ADIPOR1: variants seen among roughly 807,000 people sequenced by gnomAD.
The protein encoded by ADIPOR1 is adiponectin receptor protein 1.
Under a neutral mutation model 37.5 loss-of-function variants are expected in ADIPOR1, and 15 were observed. The observed-to-expected ratio is 0.40, with a 90% CI of 0.27 to 0.62. The LOEUF is 0.62. Among genes scored for constraint, ADIPOR1 ranks in the 20% least tolerant of loss-of-function variants. The probability of loss-of-function intolerance (pLI) is 0.42; values close to 1 mark genes in which losing one functional copy is unlikely to be tolerated. For missense variants in ADIPOR1, 286 were observed against 478.0 expected (o/e 0.60, Z 3.75); for synonymous variants, 173 against 173.2 (o/e 1.00, Z 0.01).
At chr1:202,944,128 T>C in intron 5 of ADIPOR1, 183 bp from the exon 6 acceptor site, 1 of 550,934 alleles carries the variant, frequency 1.8e-6, no homozygotes, top group South Asian at 3.2e-5. Flanking sequence ...AGGTCACTTC[T>C]ATTTTACGAT....
chr1:202,951,299 T>G (rs1325075364), intron 1 of ADIPOR1, 135 bp from the exon 2 acceptor site: 1 of 523,652 alleles, frequency 1.9e-6, no homozygotes, highest in East Asian at 3.2e-5. Flanking sequence ...ATTGCTTAAA[T>G]GAAATCTATT....
rs1571558435 is a variant in ADIPOR1, at chr1:202,941,791, C to G, written c.1000-90G>C. The G allele has an allele frequency of 4.7e-6, 7 of 1,486,674 alleles. No individual in the cohort carries two copies. In the East Asian group the frequency reaches 1.6e-4, roughly 34 times the overall value. The allele number at this position is 1,486,674 out of a possible 1,614,324, so 92.1% of individuals were successfully genotyped here. On this transcript the variant is annotated intron_variant, in intron 7 of 7. Coordinates refer to ENST00000340990, the MANE Select transcript of ADIPOR1 (RefSeq NM_015999.6). ...AAAGCATTTGCTTCTTCTAGTTTAT[C>G]CTTAATTAAACAAATTTGTTAATAA...
intron 4 of ADIPOR1, among the ~76,000 whole-genome samples, chr1:202,946,010 C>A (rs1654299520): frequency 1.4e-5 from 2 of 141,756 alleles, no homozygotes; most frequent in African/African-American, 2.7e-5. Flanking sequence ...CCTTTGTAAC[C>A]CAAGAGCTAT....
chr1:202,945,293 A>G, intron 4 of ADIPOR1, 124 bp from the exon 5 acceptor site: 1 of 973,996 alleles, frequency 1.0e-6, no homozygotes, highest in Non-Finnish European at 1.5e-6. Flanking sequence ...ATACAAATTA[A>G]AAGCACAATG....
At chr1:202,957,326 T>G (rs577125467) in intron 1 of ADIPOR1, among the ~76,000 whole-genome samples, 5 of 152,258 alleles carry the variant, frequency 3.3e-5, no homozygotes, top group African/African-American at 1.2e-4. Context: ...CTAGCCCGTC[T>G]TCTGAATCAC....
chr1:202,948,687 C>T (rs1329820592), intron 2 of ADIPOR1, among the ~76,000 whole-genome samples: 4 of 152,210 alleles, frequency 2.6e-5, no homozygotes, highest in Admixed American at 6.5e-5. Flanking sequence ...TGGGGGAATA[C>T]ACCAGCTCTA....
chr1:202,943,405 T>G (rs1019125736), intron 6 of ADIPOR1, among the ~76,000 whole-genome samples: 1 of 152,234 alleles, frequency 6.6e-6, no homozygotes, highest in African/African-American at 2.4e-5. Flanking sequence ...AAAATGCCTC[T>G]GAGTGTTTTA....
rs1289491882 is a variant in ADIPOR1 at position 202,958,280 on chromosome 1, C to A, written c.-190G>T. Reference sequence around the variant, plus strand: ...GCGGCCGAGCGGCCCCGATCTTCAGCGCCCTCCCCGCGCCGGAAGGGGCGC... The same window carrying A: ...GCGGCCGAGCGGCCCCGATCTTCAGAGCCCTCCCCGCGCCGGAAGGGGCGC... On this transcript the variant is annotated 5_prime_UTR_variant, in exon 1 of 8. Transcript: ENST00000340990. 6.6e-6 allele frequency: 1 copy of A among 152,238 alleles called. No homozygotes were observed. The highest frequency in any genetic ancestry group is 2.4e-5 in the African/African-American group (1 of 41,456). The allele number at this position is 152,238 out of a possible 1,614,324, so 9.4% of individuals were successfully genotyped here.
chr1:202,950,808 T>C (rs1654545746), intron 2 of ADIPOR1, 122 bp downstream of exon 2: 3 of 1,347,190 alleles, frequency 2.2e-6, no homozygotes, highest in Non-Finnish European at 2.1e-6. Flanking sequence ...GGGACTTGGA[T>C]AGAGACATTT....
intron 4 of ADIPOR1, 122 bp downstream of exon 4, chr1:202,946,317 C>G: frequency 8.3e-7 from 1 of 1,199,630 alleles, no homozygotes; most frequent in Non-Finnish European, 1.2e-6. Flanking sequence ...AGCTTAAAGT[C>G]ATTAGTAGTT....
intron 1 of ADIPOR1, among the ~76,000 whole-genome samples, chr1:202,954,627 G>C (rs1654706637): frequency 6.6e-6 from 1 of 152,132 alleles, no homozygotes; most frequent in South Asian, 2.1e-4. Context: ...GTGCATTTTT[G>C]ATGAGATTTC....
rs112292447 is a variant in ADIPOR1 at position 202,949,934 on chromosome 1, C to T, written c.141+996G>A. On this transcript the variant is annotated intron_variant, in intron 2 of 7. Transcript: ENST00000340990. ...TATGTAAGTAAGTTCTGGCCGAAGT[C>T]TTATGAGGTACTTCCTGATAGTCCC... Among the ~76,000 whole-genome samples the T allele has an allele frequency of 5.5e-4, 83 of 152,118 alleles. 1 individual carries two copies. The highest frequency in any genetic ancestry group is 1.9e-3 in the African/African-American group (79 of 41,428).
intron 1 of ADIPOR1, among the ~76,000 whole-genome samples, chr1:202,955,587 C>T (rs1354296645): frequency 2.0e-5 from 3 of 151,906 alleles, no homozygotes; most frequent in African/African-American, 7.3e-5. Context: ...GATTTTAATG[C>T]CAGCCCATTT....
At chr1:202,951,710 A>C (rs1304096775) in intron 1 of ADIPOR1, among the ~76,000 whole-genome samples, 1 of 152,236 alleles carries the variant, frequency 6.6e-6, no homozygotes, top group African/African-American at 2.4e-5. Flanking sequence ...GTTGTGGGAC[A>C]GATGCCTAGT....
chr1:202,950,942 G>A lies in ADIPOR1; in HGVS notation c.129C>T (p.Ala43=). The change falls in exon 2 of 8, where the codon GCC becomes GCT. Residue 43 remains alanine (A), a synonymous_variant. Coordinates refer to ENST00000340990, the MANE Select transcript of ADIPOR1 (RefSeq NM_015999.6). ...GAAGATGACTTACTTTGGGTGGGTT[G>A]GCGATTACCCGTTTGCCCTTCTCTT... ...LLEEKGKRVI[A]NPPKAEEEQT... 6.2e-7 allele frequency: 1 copy of A among 1,614,188 alleles called. No individual in the cohort carries two copies. The highest frequency in any genetic ancestry group is 8.5e-7 in the Non-Finnish European group (1 of 1,180,036).
Position 202,941,423 on chromosome 1 carries a change from G to T in ADIPOR1, c.*150C>A. The T allele has an allele frequency of 1.1e-6, 1 of 948,166 alleles. No individual in the cohort carries two copies. 58.7% of individuals were successfully genotyped at this position (948,166 alleles called of 1,614,324 possible). A position where few individuals can be genotyped will look rare whatever the true frequency, so the allele number is the denominator to read the frequency against. On this transcript the variant is annotated 3_prime_UTR_variant, in exon 8 of 8. Coordinates refer to ENST00000340990, the MANE Select transcript of ADIPOR1 (RefSeq NM_015999.6). ...ATGGAAAGTTTATTGCCCAGTGGGT[G>T]TGAAAGTGGGCTGAAGCTTGGTTGG... is the stretch of plus-strand genomic sequence containing the variant.
rs914833084 is a variant in ADIPOR1 at position 202,950,903 on chromosome 1, G to T, written c.141+27C>A. On this transcript the variant is annotated intron_variant, in intron 2 of 7. Coordinates refer to ENST00000340990, the MANE Select transcript of ADIPOR1 (RefSeq NM_015999.6). The stretch of plus-strand genomic sequence containing the variant: ...GTTCTAAGGAGAGAAACTGAACAAG[G>T]GGATGACTCCTGGGAAGATGACTTA... 9 of 1,613,650 alleles carry T rather than the reference G, an allele frequency of 5.6e-6. No individual in the cohort carries two copies. In the Admixed American group the frequency reaches 1.2e-4, roughly 21 times the overall value.
intron 2 of ADIPOR1, among the ~76,000 whole-genome samples, chr1:202,950,066 G>A (rs1464983562): frequency 1.3e-5 from 2 of 152,060 alleles, no homozygotes; most frequent in African/African-American, 4.8e-5. Flanking sequence ...AGATTCAAGC[G>A]ATTCTCCTGC....
chr1:202,953,390 GAAACA>G (rs1445490894), intron 1 of ADIPOR1, among the ~76,000 whole-genome samples: 1 of 152,034 alleles, frequency 6.6e-6, no homozygotes, highest in Admixed American at 6.6e-5. Context: ...TACCAGGGCA[GAAACA>G]AAACAAAACA....
Sources: allele counts gnomAD v4.1 joint callset (sites outside exome capture counted in the v4.1 genomes callset), GRCh38; gene constraint gnomAD v4.1.1; transcripts MANE v1.5; gene names NCBI Gene and HGNC (gene_info 2026-07-23, HGNC 2026-07-21).